EYS: variants seen among roughly 807,000 people sequenced by gnomAD.
EYS encodes EGF-like photoreceptor maintenance factor, also known as protein eyes shut homolog.
EYS carries 250 observed loss-of-function variants against 282.1 expected under a neutral mutation model. The ratio of observed to expected loss-of-function variants is 0.89; its 90% CI spans 0.80 to 0.98. The LOEUF (loss-of-function observed/expected upper bound fraction) is 0.98. Among genes scored for constraint, EYS ranks in the 50% least tolerant of loss-of-function variants. The probability of loss-of-function intolerance (pLI) is 0.00; values close to 1 mark genes in which losing one functional copy is unlikely to be tolerated. For missense variants in EYS, 4,016 were observed against 3,709.0 expected (o/e 1.08, Z -2.15); for synonymous variants, 1,355 against 1,282.9 (o/e 1.06, Z -1.20).
At chr6:65,168,378 A>G (rs1193770754) in intron 12 of EYS, among the ~76,000 whole-genome samples, 4 of 151,256 alleles carry the variant, frequency 2.6e-5, no homozygotes, top group East Asian at 3.9e-4. Context: ...TGGCTTACAA[A>G]TAATAGAAAT....
chr6:65,533,501 TG>T (rs1767857911), intron 2 of EYS, among the ~76,000 whole-genome samples: 1 of 152,138 alleles, frequency 6.6e-6, no homozygotes, highest in South Asian at 2.1e-4. Context: ...AGCATCATCC[TG>T]ATACCAAAGC....
At chr6:64,401,616 A>G (rs913904163) in intron 28 of EYS, among the ~76,000 whole-genome samples, 1 of 151,954 alleles carries the variant, frequency 6.6e-6, no homozygotes, top group Non-Finnish European at 1.5e-5. Context: ...TACCCCATAT[A>G]TCTACAGATA....
chr6:63,823,479 A>G (rs1771376917), intron 36 of EYS, among the ~76,000 whole-genome samples: 1 of 152,180 alleles, frequency 6.6e-6, no homozygotes, highest in Admixed American at 6.5e-5. Flanking sequence ...TTCTAGAATA[A>G]CATTCATTTT....
At chr6:65,057,829 C>A in intron 12 of EYS, 102 bp from the exon 13 acceptor site, 2 of 732,078 alleles carry the variant, frequency 2.7e-6, no homozygotes, top group South Asian at 1.7e-5. Context: ...CTTAGGATGA[C>A]ATCTGAAACC....
chr6:65,382,220 T>TG (rs1214540987), intron 8 of EYS, among the ~76,000 whole-genome samples: 1 of 150,836 alleles, frequency 6.6e-6, no homozygotes, highest in Non-Finnish European at 1.5e-5. Context: ...GGTGTTTTTT[T>TG]TTTTTTTTTT....
intron 12 of EYS, among the ~76,000 whole-genome samples, chr6:65,154,837 T>A (rs1764695332): frequency 6.6e-6 from 1 of 151,634 alleles, no homozygotes; most frequent in South Asian, 2.1e-4. Flanking sequence ...TGATTTATTT[T>A]CATATTTAAA....
intron 29 of EYS, among the ~76,000 whole-genome samples, chr6:64,374,331 C>T (rs1390391208): frequency 6.6e-6 from 1 of 151,666 alleles, no homozygotes; most frequent in African/African-American, 2.4e-5. Flanking sequence ...TGGCCCAAGG[C>T]TTGTAGAAGT....
rs117112052 is a variant in EYS at position 65,443,233 on chromosome 6, A to T, written c.863-37866T>A. Among the ~76,000 whole-genome samples the T allele has an allele frequency of 2.4e-3, 368 of 151,812 alleles. 57 individuals are homozygous for T. The East Asian group carries it at 0.028, about 12-fold the overall frequency. On this transcript the variant is annotated intron_variant, in intron 5 of 42. Coordinates refer to ENST00000503581, the MANE Select transcript of EYS (RefSeq NM_001142800.2). ...TATGCATCATATACACATGTATGTG[A>T]ACATATAGACATATGTGTATACATA...
intron 19 of EYS, among the ~76,000 whole-genome samples, chr6:64,849,332 T>G (rs1043028847): frequency 2.0e-5 from 3 of 151,824 alleles, no homozygotes; most frequent in African/African-American, 7.2e-5. Flanking sequence ...ACAATTCTAC[T>G]AAAATAAATA....
intron 22 of EYS, among the ~76,000 whole-genome samples, chr6:64,758,354 G>A (rs79831307): frequency 0.047 from 7,080 of 152,078 alleles, 222 homozygotes; most frequent in East Asian, 0.18. Flanking sequence ...AAATATAAGA[G>A]GATTATTGGA....
intron 2 of EYS, among the ~76,000 whole-genome samples, chr6:65,569,965 G>A (rs967906813): frequency 1.3e-5 from 2 of 152,092 alleles, no homozygotes; most frequent in Non-Finnish European, 2.9e-5. Flanking sequence ...AACCTGTTGA[G>A]TGGTTACACT....
At chr6:64,008,906 T>C (rs1768474546) in intron 33 of EYS, among the ~76,000 whole-genome samples, 1 of 152,210 alleles carries the variant, frequency 6.6e-6, no homozygotes, top group South Asian at 2.1e-4. Context: ...ACACTTTTAA[T>C]GTATTTCAAC....
intron 31 of EYS, among the ~76,000 whole-genome samples, chr6:64,103,871 A>C (rs1772915567): frequency 6.6e-6 from 1 of 152,150 alleles, no homozygotes; most frequent in South Asian, 2.1e-4. Context: ...AGAGACTGGA[A>C]AGACTTTCTG....
At chr6:64,280,644 A>G (rs970236483) in intron 30 of EYS, among the ~76,000 whole-genome samples, 4 of 152,124 alleles carry the variant, frequency 2.6e-5, no homozygotes, top group African/African-American at 9.7e-5. Context: ...ATGAATCTCT[A>G]GTTATCATTG....
chr6:63,929,141 T>C (rs978895189), intron 35 of EYS, among the ~76,000 whole-genome samples: 1 of 152,198 alleles, frequency 6.6e-6, no homozygotes, highest in Non-Finnish European at 1.5e-5. Flanking sequence ...ATCTGTTATT[T>C]AAGGAATTTT....
chr6:64,071,405 AT>A (rs910098572), intron 32 of EYS, among the ~76,000 whole-genome samples: 3 of 151,566 alleles, frequency 2.0e-5, no homozygotes, highest in Non-Finnish European at 4.4e-5. Context: ...TGGGGAGACT[AT>A]TTTTTTATCT....
intron 31 of EYS, among the ~76,000 whole-genome samples, chr6:64,186,793 G>T (rs1764959585): frequency 6.6e-6 from 1 of 152,090 alleles, no homozygotes; most frequent in Non-Finnish European, 1.5e-5. Flanking sequence ...TTCAGTTGTG[G>T]CTATGTTTTA....
intron 18 of EYS, among the ~76,000 whole-genome samples, chr6:64,891,157 A>T (rs981304898): frequency 2.0e-5 from 3 of 147,464 alleles, no homozygotes; most frequent in African/African-American, 7.5e-5. Flanking sequence ...CTAAAATTTC[A>T]TAGAGATTAA....
chr6:63,752,522 TCA>T (rs1470280505), intron 41 of EYS, among the ~76,000 whole-genome samples: 2 of 145,792 alleles, frequency 1.4e-5, no homozygotes, highest in Non-Finnish European at 3.0e-5. Flanking sequence ...AGAGGGAGTC[TCA>T]CTCTGTCACC....
Sources: allele counts gnomAD v4.1 joint callset (sites outside exome capture counted in the v4.1 genomes callset), GRCh38; gene constraint gnomAD v4.1.1; transcripts MANE v1.5; gene names NCBI Gene and HGNC (gene_info 2026-07-23, HGNC 2026-07-21).